The following DENND2B variants were observed in gnomAD, a reference collection of about 807,000 sequenced individuals.
The protein encoded by DENND2B is DENN domain containing 2B.
DENND2B carries 32 observed loss-of-function variants against 116.0 expected under a neutral mutation model. The ratio of observed to expected loss-of-function variants is 0.28; its 90% CI spans 0.21 to 0.37. DENND2B has a LOEUF of 0.37. DENND2B is among the 10% of genes least tolerant of loss of function. The pLI is 1.00. For synonymous variants in DENND2B, 588 were observed against 583.9 expected, an observed-to-expected ratio of 1.01 and a Z score of -0.10; for missense variants, 1,276 against 1,477.7, an observed-to-expected ratio of 0.86 and a Z score of 2.24.
chr11:8,797,271 C>A (rs1461009780), intron 1 of DENND2B, among the ~76,000 whole-genome samples: 5 of 152,162 alleles, frequency 3.3e-5, no homozygotes, highest in Admixed American at 6.5e-5. Flanking sequence ...GTAAACATTA[C>A]ACTAATGTCT....
intron 2 of DENND2B, among the ~76,000 whole-genome samples, chr11:8,744,295 G>A (rs569888498): frequency 2.6e-5 from 4 of 151,796 alleles, no homozygotes; most frequent in African/African-American, 9.7e-5. Flanking sequence ...CACCATGCCC[G>A]GCTAATTTTT....
At chr11:8,904,149 C>T (rs564640666) in intron 1 of DENND2B, among the ~76,000 whole-genome samples, 41 of 152,032 alleles carry the variant, frequency 2.7e-4, no homozygotes, top group Middle Eastern at 6.8e-3. Flanking sequence ...AGATCAATAT[C>T]CCTCATGAAT....
rs190788332 is a variant in DENND2B at position 8,891,422 on chromosome 11, G to C, written c.-255-10313C>G. 5.3e-3 allele frequency among the ~76,000 whole-genome samples: 805 copies of C among 152,234 alleles called. 1 individual carries two copies. The highest frequency in any genetic ancestry group is 0.02 in the Middle Eastern group (6 of 294). On this transcript the variant is annotated intron_variant, in intron 1 of 22. Transcript: ENST00000534127. Reference sequence around the variant, plus strand: ...CTTTAAATGTAAATGGGCTAAATGTGCCAATTAAAAGACACAGACTAGTAA... The same window carrying C: ...CTTTAAATGTAAATGGGCTAAATGTCCCAATTAAAAGACACAGACTAGTAA...
intron 5 of DENND2B, 118 bp downstream of exon 5, chr11:8,717,614 GTAGACCCTT>G: frequency 8.3e-7 from 1 of 1,203,162 alleles, no homozygotes; most frequent in Non-Finnish European, 1.1e-6. Flanking sequence ...TGGTATGGCC[GTAGACCCTT>G]TATCAAGTAC....
chr11:8,868,137 A>G (rs1401404990), intron 2 of DENND2B, among the ~76,000 whole-genome samples: 2 of 152,222 alleles, frequency 1.3e-5, no homozygotes, highest in African/African-American at 4.8e-5. Flanking sequence ...TCTGATCCAG[A>G]GCAGCCCCGT....
chr11:8,857,710 G>A (rs751193462), intron 2 of DENND2B, among the ~76,000 whole-genome samples: 8 of 152,160 alleles, frequency 5.3e-5, no homozygotes, highest in Non-Finnish European at 1.0e-4. Context: ...AGGCAGCACT[G>A]TGTAGAAGAA....
chr11:8,786,857 A>G (rs2058956501), intron 1 of DENND2B, among the ~76,000 whole-genome samples: 1 of 152,172 alleles, frequency 6.6e-6, no homozygotes, highest in Non-Finnish European at 1.5e-5. Flanking sequence ...AAACAAGATT[A>G]GAACAGCTGC....
chr11:8,815,091 G>C (rs1353288727), upstream of DENND2B, among the ~76,000 whole-genome samples: 1 of 151,858 alleles, frequency 6.6e-6, no homozygotes, highest in East Asian at 1.9e-4. Flanking sequence ...ACCACCACCG[G>C]GTCATTGCCA....
intron 1 of DENND2B, among the ~76,000 whole-genome samples, chr11:8,769,479 C>T (rs1003638312): frequency 2.6e-5 from 4 of 151,962 alleles, no homozygotes; most frequent in African/African-American, 9.7e-5. Context: ...AGGCTGGTAT[C>T]GAACTCCTGA....
intron 1 of DENND2B, among the ~76,000 whole-genome samples, chr11:8,899,513 A>G (rs1243625596): frequency 6.6e-6 from 1 of 152,192 alleles, no homozygotes; most frequent in Non-Finnish European, 1.5e-5. Context: ...ACTTTTTATC[A>G]GAAACAACAG....
Position 8,852,084 on chromosome 11 carries a change from A to C in DENND2B, c.-156+5259T>G, listed in dbSNP as rs184810285. Among the ~76,000 whole-genome samples the C allele has an allele frequency of 1.8e-3, 276 of 152,290 alleles. 5 individuals carry two copies. The highest frequency in any genetic ancestry group is 6.5e-3 in the African/African-American group (272 of 41,550). ...CAGAGAAGGCCTTGATTCTGCCTGG[A>C]GCTGAGTTTTGAAGGATGAATTTGC... is the stretch of plus-strand genomic sequence containing the variant. On this transcript the variant is annotated intron_variant, in intron 3 of 6. Coordinates refer to the DENND2B transcript ENST00000524757.
At chr11:8,735,301 G>C (rs899741307) in intron 2 of DENND2B, among the ~76,000 whole-genome samples, 1 of 152,116 alleles carries the variant, frequency 6.6e-6, no homozygotes, top group Admixed American at 6.5e-5. Flanking sequence ...TGTGACCGAG[G>C]CACCTCTGTC....
chr11:8,779,184 G>A (rs879605379), intron 1 of DENND2B, among the ~76,000 whole-genome samples: 7 of 152,222 alleles, frequency 4.6e-5, no homozygotes, highest in Non-Finnish European at 7.3e-5. Context: ...AGCTCTGGAC[G>A]GGGCTTCTGT....
At chr11:8,862,878 A>G (rs2063445363) in intron 2 of DENND2B, among the ~76,000 whole-genome samples, 1 of 152,096 alleles carries the variant, frequency 6.6e-6, no homozygotes, top group Non-Finnish European at 1.5e-5. Context: ...TATGTAGGCG[A>G]CTCAAATGTA....
At chr11:8,879,909 A>G (rs1252936903) in intron 2 of DENND2B, among the ~76,000 whole-genome samples, 1 of 152,218 alleles carries the variant, frequency 6.6e-6, no homozygotes, top group East Asian at 1.9e-4. Flanking sequence ...GGAACGATAA[A>G]TGCTTAGGGA....
In DENND2B at chr11:8,730,866, C is replaced by G; in HGVS notation, c.424G>C (p.Gly142Arg). The G allele has an allele frequency of 6.2e-7, 1 of 1,613,602 alleles. No individual in the cohort carries two copies. The highest frequency in any genetic ancestry group is 2.2e-5 in the East Asian group (1 of 44,860). ...ACGCCCCGGGGGCCAGCTGCTGGCCCCGGGAATGGCGTGCTCTGGGCAAGG... is the reference window on the plus strand; with the variant it reads ...ACGCCCCGGGGGCCAGCTGCTGGCCGCGGGAATGGCGTGCTCTGGGCAAGG... ...LPLAQSTPFPGPAAGPRGVLL... is the reference protein window; with the variant it reads ...LPLAQSTPFPRPAAGPRGVLL... The change falls in exon 3 of 20, where the codon GGG (glycine) becomes CGG (arginine). Residue 142 changes from glycine to arginine, a missense_variant. Gly to Arg is a moderately radical substitution (Grantham distance 125). Around this residue, in one of 2 missense-constraint regions of DENND2B, gnomAD observed 856 missense variants for 846.6 expected, o/e 1.01. Coordinates refer to ENST00000313726, the MANE Select transcript of DENND2B (RefSeq NM_213618.2). This position sits in a 1 kb window ranked among gnomAD's most constrained non-coding sequence, Gnocchi z 4.1.
chr11:8,722,809 C>A (rs764117359), intron 4 of DENND2B, among the ~76,000 whole-genome samples: 2 of 152,140 alleles, frequency 1.3e-5, no homozygotes, highest in African/African-American at 2.4e-5. Flanking sequence ...ACATCCGATG[C>A]AGTATATTCC....
intron 2 of DENND2B, chr11:8,877,648 T>A (rs762480039): frequency 1.6e-4 from 24 of 152,226 alleles, no homozygotes; most frequent in African/African-American, 4.3e-4. Flanking sequence ...AATAATGATC[T>A]ATATTTGTCA....
chr11:8,852,024 A>T (rs1190301010), intron 3 of DENND2B, among the ~76,000 whole-genome samples: 2 of 152,166 alleles, frequency 1.3e-5, no homozygotes, highest in Non-Finnish European at 2.9e-5. Flanking sequence ...TAGGTATAAA[A>T]GCAACTCCCT....
Sources: gnomAD v4.1 joint callset for allele counts (sites outside exome capture counted in the v4.1 genomes callset) on GRCh38, gnomAD v4.1.1 for gene constraint, gnomAD v4.1.1 regional missense constraint, Gnocchi (gnomAD v3.1) non-coding constraint, MANE v1.5 for transcripts, NCBI Gene and HGNC (gene_info 2026-07-23, HGNC 2026-07-21) for gene names.